PTGFRN: variants seen among roughly 807,000 people sequenced by gnomAD.
PTGFRN encodes prostaglandin F2 receptor inhibitor.
PTGFRN carries 35 observed loss-of-function variants against 83.2 expected under a neutral mutation model. The ratio of observed to expected loss-of-function variants is 0.42; its 90% CI spans 0.32 to 0.56. The LOEUF (loss-of-function observed/expected upper bound fraction) is 0.56. PTGFRN is among the 20% of genes least tolerant of loss of function. The pLI is 0.11. For synonymous variants in PTGFRN, 519 were observed against 498.6 expected, an observed-to-expected ratio of 1.04 and a Z score of -0.55; for missense variants, 1,051 against 1,179.5, an observed-to-expected ratio of 0.89 and a Z score of 1.60.
chr1:116,909,919 T>C lies in PTGFRN; in HGVS notation c.-285T>C. 8.5e-6 allele frequency: 4 copies of C among 468,862 alleles called. No individual in the cohort carries two copies. Among genetic ancestry groups the C allele is most frequent in the Non-Finnish European group, 1.5e-5 (4 of 262,912 alleles). 29.0% of individuals were successfully genotyped at this position (468,862 alleles called of 1,614,324 possible). On this transcript the variant is annotated 5_prime_UTR_variant, in exon 1 of 9. Coordinates refer to ENST00000393203, the MANE Select transcript of PTGFRN (RefSeq NM_020440.4). The stretch of plus-strand genomic sequence containing the variant: ...GCGGGCGGGCGCTGCGGTTCTTCCC[T>C]TCTGCTTTCGGGAAGCGGTCGGGGC...
chr1:116,916,387 A>C (rs1014807826), intron 1 of PTGFRN, among the ~76,000 whole-genome samples: 2 of 152,284 alleles, frequency 1.3e-5, no homozygotes, highest in Middle Eastern at 6.8e-3. Context: ...ATCCTAATGA[A>C]ATAGAGATAG....
At chr1:116,985,549 G>GA (rs1197242460) in intron 8 of PTGFRN, among the ~76,000 whole-genome samples, 12 of 151,228 alleles carry the variant, frequency 7.9e-5, no homozygotes, top group East Asian at 3.9e-4. Flanking sequence ...ATACAAAAAA[G>GA]AAAAACAAAA....
intron 2 of PTGFRN, among the ~76,000 whole-genome samples, chr1:116,943,205 CAG>C (rs1650103426): frequency 6.6e-6 from 1 of 152,220 alleles, no homozygotes; most frequent in Non-Finnish European, 1.5e-5. Flanking sequence ...CTAGACTCAT[CAG>C]GGGATAAAAC....
chr1:116,986,007 T>G (rs1651468486), intron 8 of PTGFRN, among the ~76,000 whole-genome samples: 1 of 152,324 alleles, frequency 6.6e-6, no homozygotes, highest in Non-Finnish European at 1.5e-5. Context: ...GCCTTTTGAG[T>G]GTTTCCCTAG....
At chr1:116,944,157 C>CT (rs1238201451) in intron 2 of PTGFRN, among the ~76,000 whole-genome samples, 3 of 152,226 alleles carry the variant, frequency 2.0e-5, no homozygotes, top group Admixed American at 6.5e-5. Flanking sequence ...GTGGATCTTG[C>CT]TACTTTAAGT....
In PTGFRN at chr1:116,961,537, A is replaced by G; in HGVS notation, c.1508A>G (p.Gln503Arg). Reference sequence around the variant, plus strand: ...ACAGACACGTTCAATTTCCGGATCCAAAGGACTACAGAGGAAGACAGAGGC... The same window carrying G: ...ACAGACACGTTCAATTTCCGGATCCGAAGGACTACAGAGGAAGACAGAGGC... ...EHTDTFNFRI[Q>R]RTTEEDRGNY... The change falls in exon 5 of 9, where the codon CAA (glutamine) becomes CGA (arginine). Residue 503 changes from glutamine (Q) to arginine (R), a missense_variant. This residue lies in a region of PTGFRN where 719 missense variants were observed against 836.6 expected (regional missense o/e 0.86). Coordinates refer to ENST00000393203, the MANE Select transcript of PTGFRN (RefSeq NM_020440.4). This position sits in a 1 kb window ranked among gnomAD's most constrained non-coding sequence, Gnocchi z 5.4. 6.2e-7 allele frequency: 1 copy of G among 1,614,198 alleles called. No homozygotes were observed. Among genetic ancestry groups the G allele is most frequent in the East Asian group, 2.2e-5 (1 of 44,888 alleles).
intron 8 of PTGFRN, among the ~76,000 whole-genome samples, chr1:116,986,547 A>G (rs981590958): frequency 2.0e-5 from 3 of 152,196 alleles, no homozygotes; most frequent in Non-Finnish European, 2.9e-5. Context: ...TTGACATTCA[A>G]AGGCATCGAG....
intron 7 of PTGFRN, among the ~76,000 whole-genome samples, chr1:116,977,062 G>A (rs1046276311): frequency 5.9e-5 from 9 of 152,166 alleles, no homozygotes; most frequent in Admixed American, 2.0e-4. Flanking sequence ...AAAAAGGCAG[G>A]GGTTGCAATC....
In PTGFRN at chr1:116,941,488, T is replaced by C. The variant is rs1650059626; in HGVS notation, c.50-227T>C. Among the ~76,000 whole-genome samples the C allele has an allele frequency of 6.6e-6, 1 of 152,228 alleles. No homozygotes were observed. Among genetic ancestry groups the C allele is most frequent in the African/African-American group, 2.4e-5 (1 of 41,456 alleles). On this transcript the variant is annotated intron_variant, in intron 1 of 8. Coordinates refer to ENST00000393203, the MANE Select transcript of PTGFRN (RefSeq NM_020440.4). The surrounding 1 kb of genome is among the most constrained non-coding windows in gnomAD (Gnocchi z 5.0). ...CTTTTAATGCTTATCTTCCTCCCTGTTGGTCCTGGGAAACTGGTTGTGTGA... is the reference window on the plus strand; with the variant it reads ...CTTTTAATGCTTATCTTCCTCCCTGCTGGTCCTGGGAAACTGGTTGTGTGA...
chr1:116,911,524 G>T (rs1168255407), intron 1 of PTGFRN, among the ~76,000 whole-genome samples: 19 of 152,318 alleles, frequency 1.2e-4, no homozygotes, highest in Non-Finnish European at 1.5e-5. Flanking sequence ...GGGATTTTCT[G>T]AACTGACTCC....
intron 6 of PTGFRN, among the ~76,000 whole-genome samples, chr1:116,970,675 A>G (rs752066736): frequency 1.3e-5 from 2 of 152,234 alleles, no homozygotes; most frequent in African/African-American, 2.4e-5. Context: ...TGTCATGGCC[A>G]GTTCACATTT....
intron 7 of PTGFRN, among the ~76,000 whole-genome samples, chr1:116,979,744 G>A (rs1651256819): frequency 2.0e-5 from 3 of 152,152 alleles, no homozygotes; most frequent in Admixed American, 2.0e-4. Context: ...AGACTTAAAT[G>A]TTAGACCTAA....
intron 1 of PTGFRN, among the ~76,000 whole-genome samples, chr1:116,932,832 G>A (rs575066998): frequency 8.5e-5 from 13 of 152,280 alleles, no homozygotes; most frequent in African/African-American, 2.2e-4. Context: ...GAAGGCAAAC[G>A]AAATCCGACC....
intron 1 of PTGFRN, among the ~76,000 whole-genome samples, chr1:116,927,629 G>A (rs1649689535): frequency 6.7e-6 from 1 of 149,192 alleles, no homozygotes; most frequent in African/African-American, 2.6e-5. Flanking sequence ...TGCTTCCCAG[G>A]CTCAAGCCAT....
chr1:116,934,046 T>G (rs1649862063), intron 1 of PTGFRN, among the ~76,000 whole-genome samples: 1 of 152,230 alleles, frequency 6.6e-6, no homozygotes, highest in African/African-American at 2.4e-5. Flanking sequence ...TTACTGTGTC[T>G]CATAGATTCT....
chr1:116,966,130 T>C (rs1468329906), intron 5 of PTGFRN, among the ~76,000 whole-genome samples: 11 of 152,272 alleles, frequency 7.2e-5, no homozygotes, highest in Non-Finnish European at 1.2e-4. Flanking sequence ...AACAAATATT[T>C]AAGCACCTTC....
intron 7 of PTGFRN, among the ~76,000 whole-genome samples, chr1:116,979,630 C>T (rs1651253975): frequency 6.6e-6 from 1 of 152,188 alleles, no homozygotes; most frequent in African/African-American, 2.4e-5. Context: ...AAAGGATTCC[C>T]TATTTAATAA....
At chr1:116,930,576 C>T (rs1649769645) in intron 1 of PTGFRN, among the ~76,000 whole-genome samples, 1 of 152,190 alleles carries the variant, frequency 6.6e-6, no homozygotes, top group Non-Finnish European at 1.5e-5. Flanking sequence ...ATAGATTTCA[C>T]CAGTGATTAG....
chr1:116,966,022 T>A (rs924689103), intron 5 of PTGFRN, among the ~76,000 whole-genome samples: 2 of 152,228 alleles, frequency 1.3e-5, no homozygotes, highest in African/African-American at 4.8e-5. Context: ...CCAAAAAATC[T>A]AACGTAAAAA....
Sources: gnomAD v4.1 joint callset for allele counts (sites outside exome capture counted in the v4.1 genomes callset) on GRCh38, gnomAD v4.1.1 for gene constraint, gnomAD v4.1.1 regional missense constraint, Gnocchi (gnomAD v3.1) non-coding constraint, MANE v1.5 for transcripts, NCBI Gene and HGNC (gene_info 2026-07-23, HGNC 2026-07-21) for gene names.